Variants in BICC1 observed in about 807,000 individuals in gnomAD.
BICC1 encodes protein bicaudal C homolog 1.
In BICC1, 43 loss-of-function variants were observed where a neutral mutation model predicts 111.0. The ratio of observed to expected loss-of-function variants is 0.39; its 90% CI spans 0.30 to 0.50. The LOEUF (loss-of-function observed/expected upper bound fraction) is 0.50, where lower values mean the gene tolerates loss of function less well. Ranked by LOEUF, BICC1 falls within the 20% of genes least tolerant of loss-of-function variation. The pLI is 0.88. For synonymous variants in BICC1, 467 were observed against 434.4 expected, an observed-to-expected ratio of 1.07 and a Z score of -0.93; for missense variants, 1,091 against 1,203.2, an observed-to-expected ratio of 0.91 and a Z score of 1.38.
At chr10:58,796,267 C>A in intron 9 of BICC1, 73 bp from the exon 10 acceptor site, 1 of 1,306,264 alleles carries the variant, frequency 7.7e-7, no homozygotes. Flanking sequence ...TCATTTTCCA[C>A]CTCCCTCCCC....
Position 58,785,035 on chromosome 10 carries a change from T to A in BICC1, c.342T>A (p.Asp114Glu), listed in dbSNP as rs1842971862. 1.2e-6 allele frequency: 2 copies of A among 1,600,744 alleles called. No individual in the cohort carries two copies. The highest frequency in any genetic ancestry group is 1.7e-6 in the Non-Finnish European group (2 of 1,172,694). ...PHIKVSGKKE[D>E]VKEAKEMIMS... ...TTAAGGTTTCTGGAAAGAAAGAAGATGTTAAAGAAGCCAAGGAAATGATCA... is the reference window on the plus strand; with the variant it reads ...TTAAGGTTTCTGGAAAGAAAGAAGAAGTTAAAGAAGCCAAGGAAATGATCA... Residue 114 changes from aspartate to glutamate, a missense_variant, in exon 4 of 21, where the codon GAT (aspartate) becomes GAA (glutamate). This residue lies in a region of BICC1 where 843 missense variants were observed against 900.8 expected (regional missense o/e 0.94). Coordinates refer to ENST00000373886, the MANE Select transcript of BICC1 (RefSeq NM_001080512.3).
intron 3 of BICC1, among the ~76,000 whole-genome samples, chr10:58,743,730 G>A (rs1040868090): frequency 6.6e-6 from 1 of 151,426 alleles, no homozygotes; most frequent in African/African-American, 2.4e-5. Context: ...ATTTTTCATG[G>A]AAAGGAAATT....
chr10:58,791,916 C>T (rs1181755580), intron 8 of BICC1, among the ~76,000 whole-genome samples: 3 of 152,030 alleles, frequency 2.0e-5, no homozygotes, highest in African/African-American at 4.8e-5. Context: ...CTCAGCCTCC[C>T]GAGTAGCTGA....
intron 2 of BICC1, among the ~76,000 whole-genome samples, chr10:58,628,938 C>G (rs146717057): frequency 3.5e-4 from 53 of 152,328 alleles, no homozygotes; most frequent in African/African-American, 1.2e-3. Context: ...GCCTGTCACT[C>G]TAAGCTCTTG....
intron 2 of BICC1, among the ~76,000 whole-genome samples, chr10:58,652,945 T>C (rs1838497021): frequency 1.3e-5 from 2 of 152,142 alleles, no homozygotes; most frequent in Non-Finnish European, 1.5e-5. Flanking sequence ...TCTGTACACA[T>C]GGAGGCTGAG....
At chr10:58,522,145 C>T (rs1842407867) in intron 1 of BICC1, among the ~76,000 whole-genome samples, 1 of 151,752 alleles carries the variant, frequency 6.6e-6, no homozygotes, top group Non-Finnish European at 1.5e-5. Context: ...GAGCACAAAT[C>T]TATATATTCT....
chr10:58,621,754 C>T (rs1171190402), intron 2 of BICC1, among the ~76,000 whole-genome samples: 1 of 151,722 alleles, frequency 6.6e-6, no homozygotes, highest in Non-Finnish European at 1.5e-5. Flanking sequence ...AAAAGTTAGC[C>T]CGGTGTGGTC....
At position 58,686,130 on chromosome 10, in the gene BICC1, G is replaced by T. The variant is rs184653646; in HGVS notation, c.238-15944G>T. Among the ~76,000 whole-genome samples the T allele has an allele frequency of 4.2e-3, 635 of 152,222 alleles. 12 individuals carry two copies. Among genetic ancestry groups the T allele is most frequent in the African/African-American group, 0.015 (604 of 41,518 alleles). On this transcript the variant is annotated intron_variant, in intron 2 of 20. Coordinates refer to ENST00000373886, the MANE Select transcript of BICC1 (RefSeq NM_001080512.3). ...ATTTCTCCTTCACTTATGAAGCTTA[G>T]TTTGGCTGGATATGAAATTCTGGGT...
chr10:58,599,042 A>G (rs988942421), intron 1 of BICC1, among the ~76,000 whole-genome samples: 3 of 152,164 alleles, frequency 2.0e-5, no homozygotes, highest in Non-Finnish European at 2.9e-5. Flanking sequence ...ACCCTTTTAC[A>G]CTGTTGGTGG....
At chr10:58,547,536 A>G (rs1843173163) in intron 1 of BICC1, among the ~76,000 whole-genome samples, 1 of 152,036 alleles carries the variant, frequency 6.6e-6, no homozygotes, top group Non-Finnish European at 1.5e-5. Context: ...TTGTAATGGT[A>G]TTGAAGGCAC....
chr10:58,526,600 C>G (rs1842549743), intron 1 of BICC1, among the ~76,000 whole-genome samples: 1 of 152,132 alleles, frequency 6.6e-6, no homozygotes, highest in African/African-American at 2.4e-5. Context: ...CACGACAGGA[C>G]CCAGTGTGTG....
At chr10:58,574,721 T>A (rs900673205) in intron 1 of BICC1, among the ~76,000 whole-genome samples, 4 of 152,148 alleles carry the variant, frequency 2.6e-5, no homozygotes, top group Non-Finnish European at 5.9e-5. Context: ...TTAATATTTT[T>A]AAAAATAACA....
At chr10:58,622,432 T>C (rs1030388878) in intron 2 of BICC1, among the ~76,000 whole-genome samples, 1 of 152,222 alleles carries the variant, frequency 6.6e-6, no homozygotes, top group Non-Finnish European at 1.5e-5. Context: ...TCTCACTGTT[T>C]GCAGAGACAT....
At chr10:58,779,120 G>A (rs1842820272) in intron 3 of BICC1, among the ~76,000 whole-genome samples, 1 of 152,186 alleles carries the variant, frequency 6.6e-6, no homozygotes, top group African/African-American at 2.4e-5. Flanking sequence ...AATTTCTTAA[G>A]AAGCCAGGGG....
At chr10:58,758,956 TA>T in intron 3 of BICC1, among the ~76,000 whole-genome samples, 1 of 150,902 alleles carries the variant, frequency 6.6e-6, no homozygotes, top group South Asian at 2.1e-4. Flanking sequence ...TTTATTTATT[TA>T]TTTATTTATT....
chr10:58,569,078 G>T (rs376528858), intron 1 of BICC1, among the ~76,000 whole-genome samples: 4 of 152,306 alleles, frequency 2.6e-5, no homozygotes, highest in African/African-American at 7.2e-5. Flanking sequence ...AATAACAAAG[G>T]TAGGGAAATG....
chr10:58,586,707 A>G (rs544223617), intron 1 of BICC1, among the ~76,000 whole-genome samples: 5 of 152,240 alleles, frequency 3.3e-5, no homozygotes, highest in Admixed American at 2.0e-4. Context: ...AGACATGCAT[A>G]CTACAGACTA....
chr10:58,689,028 T>C (rs374196678), intron 2 of BICC1, among the ~76,000 whole-genome samples: 48 of 152,016 alleles, frequency 3.2e-4, no homozygotes, highest in African/African-American at 3.1e-4. Context: ...TAAAGTATAA[T>C]AACAACAACA....
Position 58,621,926 on chromosome 10 carries a change from G to GAAC in BICC1, c.237+1027_237+1028insCAA, listed in dbSNP as rs1845824875. Among the ~76,000 whole-genome samples the GAAC allele has an allele frequency of 1.6e-4, 4 of 25,166 alleles. 1 individual carries two copies. The highest frequency in any genetic ancestry group is 2.3e-4 in the Non-Finnish European group (3 of 12,894). 16.5% of individuals were successfully genotyped at this position (25,166 alleles called of 152,430 possible). A position where few individuals can be genotyped will look rare whatever the true frequency, so the allele number is the denominator to read the frequency against. On this transcript the variant is annotated intron_variant, in intron 2 of 20. Coordinates refer to ENST00000373886, the MANE Select transcript of BICC1 (RefSeq NM_001080512.3). ...AATTAGAATAGAATAGAATAGAATA[G>GAAC]AATAGAATAGAATAGAATAGAATAG...
Sources: allele counts gnomAD v4.1 joint callset (sites outside exome capture counted in the v4.1 genomes callset), GRCh38; gene constraint gnomAD v4.1.1; regional missense constraint gnomAD v4.1.1; transcripts MANE v1.5; gene names NCBI Gene and HGNC (gene_info 2026-07-23, HGNC 2026-07-21).